The following TACC2 variants were observed in gnomAD, a reference collection of about 807,000 sequenced individuals.
TACC2 encodes the protein transforming acidic coiled-coil containing protein 2, also known as transforming acidic coiled-coil-containing protein 2.
A neutral mutation model predicts 227.3 loss-of-function variants in TACC2; 137 were observed. The observed-to-expected ratio is 0.60, with a 90% CI of 0.52 to 0.69. The LOEUF is 0.69. TACC2 is among the 30% of genes least tolerant of loss of function. The pLI is 0.00. For synonymous variants in TACC2, 1,523 were observed against 1,487.5 expected (o/e 1.02, Z -0.55); for missense variants, 3,470 against 3,694.4 (o/e 0.94, Z 1.57).
At chr10:122,116,930 ATGAG>A (rs1464973157) in intron 5 of TACC2, among the ~76,000 whole-genome samples, 2 of 150,922 alleles carry the variant, frequency 1.3e-5, no homozygotes, top group South Asian at 2.1e-4. Flanking sequence ...GTCTTGCTGC[ATGAG>A]TGAGTGAGTG....
At chr10:122,186,801 C>T (rs2094210677) in intron 7 of TACC2, among the ~76,000 whole-genome samples, 1 of 152,244 alleles carries the variant, frequency 6.6e-6, no homozygotes, top group Non-Finnish European at 1.5e-5. Flanking sequence ...GCATGTGACA[C>T]CGCCCCCGGC....
chr10:122,135,100 G>A (rs1205445486), intron 6 of TACC2, among the ~76,000 whole-genome samples: 1 of 152,178 alleles, frequency 6.6e-6, no homozygotes, highest in Non-Finnish European at 1.5e-5. Context: ...TGAGCAGACT[G>A]GGGCTCAGAG....
rs564027298 is a variant in TACC2 at position 122,048,455 on chromosome 10, C to T, written c.34-1983C>T. On this transcript the variant is annotated intron_variant, in intron 2 of 22. Coordinates refer to ENST00000369005, the MANE Select transcript of TACC2 (RefSeq NM_206862.4). ...TTGCTTCCTCCCTCCCTCCCTCCCTCCCTTCTTTCCCTCCTACCCTCTCTC... is the reference window on the plus strand; with the variant it reads ...TTGCTTCCTCCCTCCCTCCCTCCCTTCCTTCTTTCCCTCCTACCCTCTCTC... Among the ~76,000 whole-genome samples, 21 of 143,030 alleles carry T rather than the reference C, an allele frequency of 1.5e-4. No homozygotes were observed. The South Asian group carries it at 2.8e-3, about 19-fold the overall frequency. The allele number at this position is 143,030 out of a possible 152,430, so 93.8% of individuals were successfully genotyped here. A position where few individuals can be genotyped will look rare whatever the true frequency, so the allele number is the denominator to read the frequency against.
chr10:122,053,638 C>T (rs1341399259), intron 3 of TACC2, among the ~76,000 whole-genome samples: 1 of 152,150 alleles, frequency 6.6e-6, no homozygotes, highest in East Asian at 1.9e-4. Flanking sequence ...GCTTTGGGAG[C>T]CCATGACCGC....
At chr10:122,046,979 T>G (rs1470775844) in intron 2 of TACC2, among the ~76,000 whole-genome samples, 1 of 152,106 alleles carries the variant, frequency 6.6e-6, no homozygotes, top group Non-Finnish European at 1.5e-5. Context: ...GAATCATGCT[T>G]CCAAAGATTT....
chr10:122,069,207 C>T (rs1393055598), intron 3 of TACC2, among the ~76,000 whole-genome samples: 2 of 152,032 alleles, frequency 1.3e-5, no homozygotes, highest in Non-Finnish European at 2.9e-5. Flanking sequence ...GTGGGGGCAA[C>T]AGCAAGGCTT....
At chr10:122,019,113 G>C (rs553555890) in intron 1 of TACC2, among the ~76,000 whole-genome samples, 1 of 152,328 alleles carries the variant, frequency 6.6e-6, no homozygotes, top group East Asian at 1.9e-4. Flanking sequence ...CGGGGCCGGA[G>C]GGTCTTTGGG....
chr10:122,033,187 C>A, intron 2 of TACC2: 1 of 1,261,976 alleles, frequency 7.9e-7, no homozygotes, highest in Non-Finnish European at 1.0e-6. Flanking sequence ...CATGGCTTCC[C>A]TCTCAGCCCC....
rs114995590 is a variant in TACC2, at chr10:122,210,741, G to A, written c.6316G>A (p.Val2106Met). The A allele has an allele frequency of 3.8e-4, 617 of 1,613,964 alleles. 5 individuals are homozygous for A. In the African/African-American group the frequency reaches 7.0e-3, roughly 18 times the overall value. Residue 2106 changes from valine (V) to methionine (M), a missense_variant, in exon 9 of 23, where the codon GTG (valine) becomes ATG (methionine). This residue lies in a region of TACC2 where 593 missense variants were observed against 636.6 expected (regional missense o/e 0.93). Transcript: ENST00000369005. This position sits in a 1 kb window ranked among gnomAD's most constrained non-coding sequence, Gnocchi z 4.6. ...GASSSGNPEAVALAPDAYSTG... is the reference protein window; with the variant it reads ...GASSSGNPEAMALAPDAYSTG... ...TTCTTCCTCAGGCAATCCCGAGGCC[G>A]TGGCCCTTGCCCCAGATGCATATAG...
At chr10:122,082,474 ATGGGAGGGG>A (rs1192321783) in intron 3 of TACC2, among the ~76,000 whole-genome samples, 164 bp from the exon 4 acceptor site, 1 of 151,132 alleles carries the variant, frequency 6.6e-6, no homozygotes, top group African/African-American at 2.4e-5. Flanking sequence ...CATAATGGTT[ATGGGAGGGG>A]TGCAGGGGGC....
intron 6 of TACC2, among the ~76,000 whole-genome samples, chr10:122,143,058 A>T (rs2090865756): frequency 6.6e-6 from 1 of 152,148 alleles, no homozygotes; most frequent in Non-Finnish European, 1.5e-5. Context: ...TTCCTCCCCC[A>T]GGACACGGGT....
Position 122,194,691 on chromosome 10 carries a change from C to T in TACC2, c.5835-349C>T, listed in dbSNP as rs1414491482. Among the ~76,000 whole-genome samples, 2 of 152,134 alleles carry T rather than the reference C, an allele frequency of 1.3e-5. No homozygotes were observed. Among genetic ancestry groups the T allele is most frequent in the Non-Finnish European group, 2.9e-5 (2 of 68,026 alleles). ...TGTGGGTGAGTTGGCACAATGGCATCGAACATGCAGAATGCCTCTCTCTCT... is the reference window on the plus strand; with the variant it reads ...TGTGGGTGAGTTGGCACAATGGCATTGAACATGCAGAATGCCTCTCTCTCT... On this transcript the variant is annotated intron_variant, in intron 7 of 22. Coordinates refer to ENST00000369005, the MANE Select transcript of TACC2 (RefSeq NM_206862.4). The surrounding 1 kb of genome is among the most constrained non-coding windows in gnomAD (Gnocchi z 4.4).
chr10:122,137,366 C>G (rs918797472), intron 6 of TACC2, among the ~76,000 whole-genome samples: 8 of 151,592 alleles, frequency 5.3e-5, no homozygotes, highest in Admixed American at 5.3e-4. Context: ...GCCTGTAGTC[C>G]CAGCTACTCA....
chr10:122,148,247 GCACCC>G (rs2091640528), intron 7 of TACC2, among the ~76,000 whole-genome samples: 1 of 152,054 alleles, frequency 6.6e-6, no homozygotes, highest in East Asian at 1.9e-4. Flanking sequence ...GGGATTATAG[GCACCC>G]GCCACCATGC....
chr10:121,999,731 T>C (rs559098296), intron 1 of TACC2, among the ~76,000 whole-genome samples: 1 of 152,264 alleles, frequency 6.6e-6, no homozygotes, highest in South Asian at 2.1e-4. Flanking sequence ...TGGAGGGAAA[T>C]GACCCTCTAC....
chr10:122,202,473 GGGGACTTCCCTTTGCCATCATCCT>G (rs1269058604), intron 8 of TACC2, among the ~76,000 whole-genome samples: 1 of 140,704 alleles, frequency 7.1e-6, no homozygotes, highest in African/African-American at 2.8e-5. Flanking sequence ...GCTGTTGTTT[GGGGACTTCCCTTTGCCATCATCCT>G]GGGATTTCCC....
At chr10:122,048,980 T>C (rs1049231593) in intron 2 of TACC2, among the ~76,000 whole-genome samples, 1 of 152,226 alleles carries the variant, frequency 6.6e-6, no homozygotes, top group East Asian at 1.9e-4. Context: ...CTCAGAATTT[T>C]TACTATGCTA....
chr10:122,003,354 T>C (rs768453544), intron 1 of TACC2, among the ~76,000 whole-genome samples: 12 of 152,234 alleles, frequency 7.9e-5, no homozygotes, highest in East Asian at 7.7e-4. Flanking sequence ...TTTTTTGAGT[T>C]GGGAATTTAA....
intron 7 of TACC2, among the ~76,000 whole-genome samples, chr10:122,193,552 G>A (rs555797129): frequency 1.3e-5 from 2 of 152,294 alleles, no homozygotes; most frequent in Admixed American, 6.5e-5. Context: ...CACACTGTCC[G>A]TACTCACCTG....
Sources: allele counts gnomAD v4.1 joint callset (sites outside exome capture counted in the v4.1 genomes callset), GRCh38; gene constraint gnomAD v4.1.1; regional missense constraint gnomAD v4.1.1; non-coding constraint Gnocchi (gnomAD v3.1); transcripts MANE v1.5; gene names NCBI Gene and HGNC (gene_info 2026-07-23, HGNC 2026-07-21).